Variants in MYH11 observed in about 807,000 individuals in gnomAD.
MYH11 encodes the protein myosin heavy chain 11.
In MYH11, 80 loss-of-function variants were observed where a neutral mutation model predicts 246.6. That is an observed-to-expected ratio of 0.32 (90% CI 0.27 to 0.39). The LOEUF (loss-of-function observed/expected upper bound fraction) is 0.39, where lower values mean the gene tolerates loss of function less well. Among genes scored for constraint, MYH11 ranks in the 10% least tolerant of loss-of-function variants. The pLI is 1.00. For missense variants in MYH11, 2,158 were observed against 2,546.8 expected, an observed-to-expected ratio of 0.85 and a Z score of 3.29; for synonymous variants, 1,071 against 1,015.5, an observed-to-expected ratio of 1.05 and a Z score of -1.04.
intron 4 of MYH11, among the ~76,000 whole-genome samples, chr16:15,793,615 C>CTTTTTTTTTTTTTTTT (rs572455483): frequency 1.3e-4 from 12 of 93,822 alleles, no homozygotes; most frequent in Non-Finnish European, 2.4e-4. Flanking sequence ...CTTTTCTTTT[C>CTTTTTTTTTTTTTTTT]TTTTTTTTTT....
At chr16:15,754,369 C>CA (rs1238278410) in intron 14 of MYH11, among the ~76,000 whole-genome samples, 1 of 152,034 alleles carries the variant, frequency 6.6e-6, no homozygotes, top group African/African-American at 2.4e-5. Flanking sequence ...TGACAATGCC[C>CA]AAAGCCGTAA....
At chr16:15,802,694 C>G (rs747874574) in intron 3 of MYH11, among the ~76,000 whole-genome samples, 17 of 152,336 alleles carry the variant, frequency 1.1e-4, no homozygotes, top group Non-Finnish European at 1.9e-4. Context: ...AGTGACCCAC[C>G]TGCCTCAGCC....
chr16:15,791,332 T>C (rs2042604782), intron 4 of MYH11: 1 of 152,190 alleles, frequency 6.6e-6, no homozygotes, highest in African/African-American at 2.4e-5. Flanking sequence ...CCAAGTCCAT[T>C]GCAGCCTGTG....
intron 9 of MYH11, among the ~76,000 whole-genome samples, chr16:15,766,081 T>C (rs1369500401): frequency 6.6e-6 from 1 of 151,842 alleles, no homozygotes. Context: ...CCTGACAGAG[T>C]TGTGACAACC....
In MYH11 at chr16:15,811,589, G is replaced by A. The variant is rs116083986; in HGVS notation, c.502+11666C>T. On this transcript the variant is annotated intron_variant, in intron 3 of 40. Transcript: ENST00000300036. ...TCCTGACCTATTGCAGGGGCCCTGA[G>A]GACATCAGTGCCCTTCCTCTCTCTG... 9.6e-4 allele frequency among the ~76,000 whole-genome samples: 146 copies of A among 151,952 alleles called. 1 individual carries two copies. Among genetic ancestry groups the A allele is most frequent in the African/African-American group, 3.5e-3 (144 of 41,292 alleles).
chr16:15,755,972 C>A (rs1263310846), intron 14 of MYH11, among the ~76,000 whole-genome samples: 1 of 152,114 alleles, frequency 6.6e-6, no homozygotes, highest in Non-Finnish European at 1.5e-5. Context: ...GTGGTGTACA[C>A]CTGTAGTCCC....
chr16:15,831,980 C>A (rs2043752471), intron 2 of MYH11, among the ~76,000 whole-genome samples: 1 of 151,690 alleles, frequency 6.6e-6, no homozygotes, highest in African/African-American at 2.4e-5. Context: ...TGGGGCTTGA[C>A]AAAGGGCAGC....
intron 1 of MYH11, among the ~76,000 whole-genome samples, chr16:15,847,265 T>TTTTTTC (rs574635258): frequency 2.4e-4 from 28 of 116,200 alleles, no homozygotes; most frequent in Non-Finnish European, 3.1e-4. Flanking sequence ...TTTTTTTTTT[T>TTTTTTC]TCTGAGACAG....
Position 15,749,893 on chromosome 16 carries a change from T to TAATG in MYH11, c.2058+241_2058+244dup, listed in dbSNP as rs1258362478. 4 of 603,038 alleles carry TAATG rather than the reference T, an allele frequency of 6.6e-6. No homozygotes were observed. The African/African-American group carries it at 7.4e-5, about 11-fold the overall frequency. The allele number at this position is 603,038 out of a possible 1,614,324, so 37.4% of individuals were successfully genotyped here. A position where few individuals can be genotyped will look rare whatever the true frequency, so the allele number is the denominator to read the frequency against. The stretch of plus-strand genomic sequence containing the variant: ...AGAGCCCAGTGAATACTTCCTGGGA[T>TAATG]AATGAATGAATGAGTGGCTGGATGA... On this transcript the variant is annotated intron_variant, in intron 16 of 40. Transcript: ENST00000300036.
At chr16:15,724,439 GA>G (rs756786823) in intron 30 of MYH11, 30 bp from the exon 31 acceptor site, 25 of 1,612,826 alleles carry the variant, frequency 1.6e-5, no homozygotes, top group Middle Eastern at 1.8e-4. Context: ...GGTAGGGTGA[GA>G]GGGGGACCAT....
intron 4 of MYH11, among the ~76,000 whole-genome samples, chr16:15,794,698 C>T (rs72772080): frequency 0.17 from 25,837 of 152,094 alleles, 2,838 homozygotes; most frequent in East Asian, 0.38. Flanking sequence ...ATGGGGAAGC[C>T]AGGGAGTTGC....
intron 27 of MYH11, among the ~76,000 whole-genome samples, chr16:15,732,262 C>T (rs1321144829): frequency 2.0e-5 from 3 of 151,970 alleles, no homozygotes; most frequent in Non-Finnish European, 4.4e-5. Context: ...CACGCCTGGC[C>T]TACTTTTTTA....
intron 6 of MYH11, among the ~76,000 whole-genome samples, chr16:15,782,030 C>T (rs1264491322): frequency 1.3e-5 from 2 of 152,006 alleles, no homozygotes; most frequent in African/African-American, 2.4e-5. Flanking sequence ...ACCAGGTGCT[C>T]AATACCTAAT....
chr16:15,856,346 C>A (rs202232358), intron 1 of MYH11, among the ~76,000 whole-genome samples: 27,598 of 139,826 alleles, frequency 0.2, 3,241 homozygotes, highest in East Asian at 0.44. Flanking sequence ...AAAAAAAAAA[C>A]AACAACACTC....
rs1237673081 is a variant in MYH11, at chr16:15,720,855, C to T, written c.4775G>A (p.Arg1592Lys). 3 of 1,613,768 alleles carry T rather than the reference C, an allele frequency of 1.9e-6. No homozygotes were observed. The highest frequency in any genetic ancestry group is 2.2e-5 in the South Asian group (2 of 91,066). ...AGCACGCACCTGTCTCTGCAGTTGC[C>T]TCCTCTTCTCCTCATTCTGCTCGTC... The part of the protein sequence containing the change: ...ARDEQNEEKR[R>K]QLQRQLHEYE... Residue 1592 changes from arginine (R) to lysine (K), a missense_variant, in exon 33 of 41, where the codon AGG becomes AAG. Around this residue, in one of 11 missense-constraint regions of MYH11, gnomAD observed 1,013 missense variants for 993.5 expected, o/e 1.02. Coordinates refer to ENST00000300036, the MANE Select transcript of MYH11 (RefSeq NM_002474.3).
chr16:15,724,845 G>A (rs958101359), intron 29 of MYH11, 43 bp downstream of exon 29: 2 of 1,613,552 alleles, frequency 1.2e-6, no homozygotes, highest in African/African-American at 1.3e-5. Context: ...CCCCGAGGAA[G>A]GCCACCCCCC....
chr16:15,761,366 G>A (rs938022746), intron 10 of MYH11, among the ~76,000 whole-genome samples: 2 of 152,202 alleles, frequency 1.3e-5, no homozygotes, highest in Middle Eastern at 3.4e-3. Flanking sequence ...GCCCACCTCG[G>A]CCTCCCTAAG....
intron 40 of MYH11, among the ~76,000 whole-genome samples, chr16:15,710,199 C>A (rs1026405346): frequency 2.0e-5 from 3 of 152,156 alleles, no homozygotes; most frequent in Non-Finnish European, 4.4e-5. Flanking sequence ...TGGGGCAGAA[C>A]CCACAGGAGG....
chr16:15,719,107 G>C, intron 36 of MYH11, 113 bp downstream of exon 36: 1 of 1,047,236 alleles, frequency 9.5e-7, no homozygotes, highest in Non-Finnish European at 1.4e-6. Flanking sequence ...CAGCCTGGGT[G>C]ACAGAATGAA....
Sources: allele counts gnomAD v4.1 joint callset (sites outside exome capture counted in the v4.1 genomes callset), GRCh38; gene constraint gnomAD v4.1.1; regional missense constraint gnomAD v4.1.1; transcripts MANE v1.5; gene names NCBI Gene and HGNC (gene_info 2026-07-23, HGNC 2026-07-21).